Variants in DST observed in about 807,000 individuals in gnomAD.
DST encodes bullous pemphigoid antigen.
DST carries 253 observed loss-of-function variants against 875.2 expected under a neutral mutation model. That is an observed-to-expected ratio of 0.29 (90% CI 0.26 to 0.32). DST has a LOEUF of 0.32. Ranked by LOEUF, DST falls within the 10% of genes least tolerant of loss-of-function variation. The pLI is 1.00. For synonymous variants in DST, 3,124 were observed against 3,197.1 expected, an observed-to-expected ratio of 0.98 and a Z score of 0.77; for missense variants, 8,287 against 9,111.6, an observed-to-expected ratio of 0.91 and a Z score of 3.68.
At chr6:56,564,078 T>A (rs886186977) in intron 55 of DST, among the ~76,000 whole-genome samples, 1 of 152,216 alleles carries the variant, frequency 6.6e-6, no homozygotes, top group Non-Finnish European at 1.5e-5. Flanking sequence ...TGGTTCCATA[T>A]GAAATTTAAA....
intron 5 of DST, among the ~76,000 whole-genome samples, chr6:56,727,664 A>T (rs1302112678): frequency 2.0e-5 from 3 of 152,244 alleles, no homozygotes; most frequent in Admixed American, 2.0e-4. Context: ...TTATGGCTAC[A>T]TAACAAGGCC....
intron 84 of DST, among the ~76,000 whole-genome samples, chr6:56,492,732 T>C (rs1449579006): frequency 1.3e-5 from 2 of 152,006 alleles, no homozygotes; most frequent in African/African-American, 2.4e-5. Flanking sequence ...TAGCCAGGCA[T>C]GCTGGTGGGC....
At chr6:56,927,211 C>A (rs989410319) in intron 2 of DST, among the ~76,000 whole-genome samples, 1 of 152,064 alleles carries the variant, frequency 6.6e-6, no homozygotes, top group African/African-American at 2.4e-5. Flanking sequence ...TTTCTGGATT[C>A]ATTTAATGAA....
At chr6:56,590,482 C>T (rs1395701526) in intron 49 of DST, among the ~76,000 whole-genome samples, 2 of 151,986 alleles carry the variant, frequency 1.3e-5, no homozygotes, top group East Asian at 3.9e-4. Context: ...TACGTATTTC[C>T]TACTAAAATA....
At chr6:56,881,238 G>A (rs188536532) in intron 3 of DST, among the ~76,000 whole-genome samples, 1 of 152,218 alleles carries the variant, frequency 6.6e-6, no homozygotes, top group East Asian at 1.9e-4. Context: ...ACTTTGGGAG[G>A]CCGATGGGGG....
At chr6:56,534,851 CA>C (rs1455249301) in intron 63 of DST, among the ~76,000 whole-genome samples, 1 of 152,140 alleles carries the variant, frequency 6.6e-6, no homozygotes, top group African/African-American at 2.4e-5. Context: ...TATTGTCTTT[CA>C]ATCCTGGCAC....
At chr6:56,637,104 C>CAA (rs1387809326) in intron 22 of DST, among the ~76,000 whole-genome samples, 9 of 144,948 alleles carry the variant, frequency 6.2e-5, no homozygotes, top group African/African-American at 2.4e-4. Context: ...AACAAACAAA[C>CAA]AAACAAAAAA....
intron 54 of DST, among the ~76,000 whole-genome samples, chr6:56,569,190 T>C (rs1257207386): frequency 1.3e-5 from 2 of 151,584 alleles, no homozygotes; most frequent in African/African-American, 4.9e-5. Context: ...CTGGGCGTGG[T>C]GGCAGCCACC....
intron 3 of DST, among the ~76,000 whole-genome samples, chr6:56,884,334 C>T (rs1362859092): frequency 6.6e-6 from 1 of 152,178 alleles, no homozygotes; most frequent in Non-Finnish European, 1.5e-5. Flanking sequence ...TCCCACACCT[C>T]AACTTAGCTA....
chr6:56,843,381 C>T, intron 4 of DST: 1 of 1,154,754 alleles, frequency 8.7e-7, no homozygotes, highest in Non-Finnish European at 1.1e-6. Context: ...CCGCCCGGCT[C>T]CGGGAGCCCG....
At position 56,620,805 on chromosome 6, in the gene DST, C is replaced by G; in HGVS notation, c.4929+3725G>C. 3 of 1,205,420 alleles carry G rather than the reference C, an allele frequency of 2.5e-6. No homozygotes were observed. The South Asian group carries it at 3.7e-5, about 15-fold the overall frequency. 74.7% of individuals were successfully genotyped at this position (1,205,420 alleles called of 1,614,324 possible). A position where few individuals can be genotyped will look rare whatever the true frequency, so the allele number is the denominator to read the frequency against. Reference sequence around the variant, plus strand: ...AATGTTCATAAAAGTACTTACAAAACCAAGTGAACTCAAATGCAGAACAAG... The same window carrying G: ...AATGTTCATAAAAGTACTTACAAAAGCAAGTGAACTCAAATGCAGAACAAG... On this transcript the variant is annotated intron_variant, in intron 36 of 103. Transcript: ENST00000680361.
chr6:56,684,992 C>A (rs1563668692), intron 9 of DST, among the ~76,000 whole-genome samples: 1 of 127,008 alleles, frequency 7.9e-6, no homozygotes, highest in Non-Finnish European at 1.7e-5. Context: ...CCCCCACCCA[C>A]CCCCCCACCC....
chr6:56,605,118 G>T lies in DST; in HGVS notation c.9510C>A (p.Phe3170Leu). The change falls in exon 40 of 104, where the codon TTC (phenylalanine) becomes TTA (leucine). Residue 3170 changes from phenylalanine to leucine, a missense_variant. By Grantham distance (22) the Phe-to-Leu change is conservative. Transcript: ENST00000680361. ...CAAGCTCTTTCTCAGGTCCATCAGT[G>T]AATGACTCCTCAAAATGTGTATTCC... is the stretch of plus-strand genomic sequence containing the variant. ...WEGNTHFEES[F>L]TDGPEKELDL... is the part of the protein sequence containing the mutation. The T allele has an allele frequency of 3.1e-6, 5 of 1,612,580 alleles. No homozygotes were observed. The highest frequency in any genetic ancestry group is 4.2e-6 in the Non-Finnish European group (5 of 1,179,238).
chr6:56,768,549 A>G (rs2099640435), intron 4 of DST, among the ~76,000 whole-genome samples: 1 of 152,240 alleles, frequency 6.6e-6, no homozygotes, highest in Admixed American at 6.5e-5. Flanking sequence ...TTAACTCAAA[A>G]TGAATCACAG....
chr6:56,929,051 A>G (rs1808734241), intron 2 of DST, among the ~76,000 whole-genome samples: 1 of 152,194 alleles, frequency 6.6e-6, no homozygotes, highest in Non-Finnish European at 1.5e-5. Context: ...CAATTCTAAT[A>G]TTCACATAGG....
chr6:56,810,182 G>A (rs2099758201), intron 4 of DST, among the ~76,000 whole-genome samples: 1 of 152,114 alleles, frequency 6.6e-6, no homozygotes, highest in Non-Finnish European at 1.5e-5. Context: ...AGCCAGGCAT[G>A]GTGGCACGTT....
chr6:56,885,688 C>T (rs1438058546), intron 3 of DST, among the ~76,000 whole-genome samples: 1 of 152,216 alleles, frequency 6.6e-6, no homozygotes, highest in East Asian at 1.9e-4. Context: ...CTTCTGCCTT[C>T]CACCAGGTGA....
intron 10 of DST, among the ~76,000 whole-genome samples, chr6:56,660,374 C>T (rs2099032781): frequency 1.3e-5 from 2 of 152,144 alleles, no homozygotes; most frequent in African/African-American, 4.8e-5. Context: ...CACTCCATTC[C>T]TAAAGATCAT....
chr6:56,882,751 G>C (rs753542900), intron 3 of DST, among the ~76,000 whole-genome samples: 9 of 152,140 alleles, frequency 5.9e-5, no homozygotes, highest in Non-Finnish European at 1.2e-4. Context: ...TGTGTAATTT[G>C]CTGGAATAAA....
Sources: gnomAD v4.1 joint callset for allele counts (sites outside exome capture counted in the v4.1 genomes callset) on GRCh38, gnomAD v4.1.1 for gene constraint, MANE v1.5 for transcripts, NCBI Gene and HGNC (gene_info 2026-07-23, HGNC 2026-07-21) for gene names.